The following TNRC18 variants were observed in gnomAD, a reference collection of about 807,000 sequenced individuals.
The protein encoded by TNRC18 is trinucleotide repeat containing 18.
Under a neutral mutation model 226.7 loss-of-function variants are expected in TNRC18, and 69 were observed. That is an observed-to-expected ratio of 0.30 (90% CI 0.25 to 0.37). The LOEUF is 0.37. Ranked by LOEUF, TNRC18 falls within the 10% of genes least tolerant of loss-of-function variation. TNRC18 has a pLI of 1.00. For missense variants in TNRC18, 4,754 were observed against 4,256.6 expected, an observed-to-expected ratio of 1.12 and a Z score of -3.25; for synonymous variants, 2,449 against 1,927.6, an observed-to-expected ratio of 1.27 and a Z score of -7.09.
In TNRC18 at chr7:5,388,510, C is replaced by T; in HGVS notation, c.1314G>A (p.Arg438=). Reference sequence around the variant, plus strand: ...CCGTGGGGGCATCCGCGGGGGGCGGCCGCTTGAGCGAGCGGATGACCGAGT... The same window carrying T: ...CCGTGGGGGCATCCGCGGGGGGCGGTCGCTTGAGCGAGCGGATGACCGAGT... The part of the protein sequence containing the change: ...EKNSVIRSLK[R]PPPADAPTVR... Residue 438 remains arginine (R), a synonymous_variant, in exon 5 of 30, where the codon CGG becomes CGA. Transcript: ENST00000430969. 7.5e-7 allele frequency: 1 copy of T among 1,328,762 alleles called. No homozygotes were observed. The highest frequency in any genetic ancestry group is 2.4e-4 in the Middle Eastern group (1 of 4,254). 82.3% of individuals were successfully genotyped at this position (1,328,762 alleles called of 1,614,324 possible). A position where few individuals can be genotyped will look rare whatever the true frequency, so the allele number is the denominator to read the frequency against.
chr7:5,309,407 AG>A lies in TNRC18; in HGVS notation c.8389-40del. On this transcript the variant is annotated intron_variant, in intron 27 of 29. Transcript: ENST00000430969. The surrounding 1 kb of genome is among the most constrained non-coding windows in gnomAD (Gnocchi z 5.7). ...TGTGTCACGGCACAGGCCCTGGCCCAGCCCCAAGGAGCCCGCCGCCTGGCAG... is the reference window on the plus strand; with the variant it reads ...TGTGTCACGGCACAGGCCCTGGCCCACCCCAAGGAGCCCGCCGCCTGGCAG... 2.0e-6 allele frequency: 3 copies of A among 1,536,422 alleles called. No homozygotes were observed. The highest frequency in any genetic ancestry group is 2.6e-6 in the Non-Finnish European group (3 of 1,136,360).
rs1352894297 is a variant in TNRC18, at chr7:5,377,024, G to A, written c.2462-31C>T. 3 of 1,554,004 alleles carry A rather than the reference G, an allele frequency of 1.9e-6. No homozygotes were observed. The highest frequency in any genetic ancestry group is 2.6e-6 in the Non-Finnish European group (3 of 1,151,130). The stretch of plus-strand genomic sequence containing the variant: ...AGGAGAAGCCCAGGCCTGAGTCAGT[G>A]CTGGGAGCCCCCAAGCGGTTTGTCC... On this transcript the variant is annotated intron_variant, in intron 7 of 29. Coordinates refer to ENST00000430969, the MANE Select transcript of TNRC18 (RefSeq NM_001080495.3). The surrounding 1 kb of genome is among the most constrained non-coding windows in gnomAD (Gnocchi z 5.8).
At chr7:5,370,297 TG>T in intron 11 of TNRC18, 77 bp downstream of exon 11, 1 of 1,460,948 alleles carries the variant, frequency 6.8e-7, no homozygotes, top group East Asian at 2.5e-5. Flanking sequence ...CACTCCAGCC[TG>T]GGCAACACAG....
intron 18 of TNRC18, among the ~76,000 whole-genome samples, chr7:5,340,493 T>A (rs1790576808): frequency 6.6e-6 from 1 of 152,042 alleles, no homozygotes; most frequent in South Asian, 2.1e-4. Flanking sequence ...TCCCAGCACT[T>A]TGGGAGGCCG....
rs151196173 is a variant in TNRC18, at chr7:5,330,809, G to A, written c.6147+1813C>T. On this transcript the variant is annotated intron_variant, in intron 19 of 29. Transcript: ENST00000430969. ...CTGCCTCAGCCTCCTGAGTAGCTGG[G>A]ATTACAGGCACCCGCCACCATGCCT... Among the ~76,000 whole-genome samples the A allele has an allele frequency of 8.7e-3, 1,327 of 152,244 alleles. 19 individuals are homozygous for A. Among genetic ancestry groups the A allele is most frequent in the African/African-American group, 0.031 (1,267 of 41,536 alleles).
At chr7:5,399,468 T>G (rs543517404) in intron 2 of TNRC18, among the ~76,000 whole-genome samples, 36 of 152,172 alleles carry the variant, frequency 2.4e-4, no homozygotes, top group African/African-American at 8.4e-4. Flanking sequence ...ATCCCAGCAC[T>G]TTGGGAGGAC....
intron 2 of TNRC18, among the ~76,000 whole-genome samples, chr7:5,417,283 C>CAT (rs1170411638): frequency 6.6e-6 from 1 of 152,140 alleles, no homozygotes; most frequent in Non-Finnish European, 1.5e-5. Flanking sequence ...GCCGGGGCAA[C>CAT]ATAGCAAGAC....
At chr7:5,357,628 G>A (rs563551465) in intron 15 of TNRC18, among the ~76,000 whole-genome samples, 15 of 152,190 alleles carry the variant, frequency 9.9e-5, no homozygotes, top group African/African-American at 3.1e-4. Flanking sequence ...GAATACAGGC[G>A]TGCGCCACCA....
intron 5 of TNRC18, among the ~76,000 whole-genome samples, chr7:5,386,464 C>G (rs748198082): frequency 2.6e-5 from 4 of 151,602 alleles, no homozygotes; most frequent in Non-Finnish European, 5.9e-5. Flanking sequence ...GTAATGCCAG[C>G]TACTGGGGAG....
intron 2 of TNRC18, chr7:5,407,530 G>A (rs1364865314): frequency 6.6e-6 from 1 of 152,222 alleles, no homozygotes; most frequent in Non-Finnish European, 1.5e-5. Flanking sequence ...CTCCCCACCT[G>A]GGATCACAGC....
Position 5,362,645 on chromosome 7 carries a change from C to T in TNRC18, c.4395+5G>A, listed in dbSNP as rs1345445575. Reference sequence around the variant, plus strand: ...ACCCCAGGGAGGAAGCAGCCAGCCGCTCACCCGCTCCTCCTTCTTGCGCAT... The same window carrying T: ...ACCCCAGGGAGGAAGCAGCCAGCCGTTCACCCGCTCCTCCTTCTTGCGCAT... On this transcript the variant is annotated splice_donor_5th_base_variant and intron_variant, in intron 12 of 29. Coordinates refer to ENST00000430969, the MANE Select transcript of TNRC18 (RefSeq NM_001080495.3). The T allele has an allele frequency of 6.4e-7, 1 of 1,556,054 alleles. No individual in the cohort carries two copies. Among genetic ancestry groups the T allele is most frequent in the Non-Finnish European group, 8.7e-7 (1 of 1,149,572 alleles).
At chr7:5,409,658 G>T (rs1457710408) in intron 2 of TNRC18, among the ~76,000 whole-genome samples, 1 of 151,756 alleles carries the variant, frequency 6.6e-6, no homozygotes, top group Non-Finnish European at 1.5e-5. Context: ...AAATCTCCTA[G>T]AAAGAAGAAA....
At chr7:5,316,786 C>T (rs549095289) in intron 24 of TNRC18, among the ~76,000 whole-genome samples, 1 of 152,172 alleles carries the variant, frequency 6.6e-6, no homozygotes, top group East Asian at 1.9e-4. Context: ...CGTGCAGGAA[C>T]GGGCTTTGAT....
intron 19 of TNRC18, chr7:5,330,070 G>C: frequency 2.2e-6 from 1 of 448,180 alleles, no homozygotes; most frequent in Non-Finnish European, 4.6e-6. Flanking sequence ...GTTAATGTGT[G>C]GTAGGTGCCC....
chr7:5,334,971 G>C (rs988686312), intron 18 of TNRC18, among the ~76,000 whole-genome samples: 5 of 152,156 alleles, frequency 3.3e-5, no homozygotes, highest in African/African-American at 7.2e-5. Flanking sequence ...CACCAGGAAA[G>C]AGAAGTCTAG....
At position 5,362,610 on chromosome 7, in the gene TNRC18, T is replaced by TC. The variant is rs747154945; in HGVS notation, c.4395+39dup. ...CCACAGAGGGGCCTCCCACCCAGCC[T>TC]CCCCCGCGGACCCCAGGGAGGAAGC... On this transcript the variant is annotated intron_variant, in intron 12 of 29. Coordinates refer to ENST00000430969, the MANE Select transcript of TNRC18 (RefSeq NM_001080495.3). 1.9e-5 allele frequency: 28 copies of TC among 1,488,110 alleles called. No homozygotes were observed. The Admixed American group carries it at 4.2e-4, about 22-fold the overall frequency. 92.2% of individuals were successfully genotyped at this position (1,488,110 alleles called of 1,614,324 possible).
At position 5,388,027 on chromosome 7, in the gene TNRC18, G is replaced by A. The variant is rs775981743; in HGVS notation, c.1797C>T (p.Ala599=). Residue 599 remains alanine, a synonymous_variant, in exon 5 of 30, where the codon GCC becomes GCT. Coordinates refer to ENST00000430969, the MANE Select transcript of TNRC18 (RefSeq NM_001080495.3). ...CACAGCCACCAGGGCGCACGGCCAC[G>A]GCGTCCCGGGCAAAGCTGCCACTGT... ...IKYSGSFARD[A]VAVRPGGCGK... 36 of 1,566,836 alleles carry A rather than the reference G, an allele frequency of 2.3e-5. No individual in the cohort carries two copies. Among genetic ancestry groups the A allele is most frequent in the African/African-American group, 1.2e-4 (9 of 73,730 alleles).
chr7:5,362,593 G>GGGCCTCCCACCC (rs1246240356), intron 12 of TNRC18, 57 bp downstream of exon 12: 1 of 1,461,722 alleles, frequency 6.8e-7, no homozygotes, highest in African/African-American at 1.4e-5. Context: ...CTCCACAGAG[G>GGGCCTCCCACCC]GGCCTCCCAC....
intron 18 of TNRC18, among the ~76,000 whole-genome samples, chr7:5,342,160 G>A (rs572878807): frequency 6.6e-6 from 1 of 152,366 alleles, no homozygotes; most frequent in East Asian, 1.9e-4. Flanking sequence ...CGGGTGCAGT[G>A]GCTCACGCCT....
Sources: gnomAD v4.1 joint callset for allele counts (sites outside exome capture counted in the v4.1 genomes callset) on GRCh38, gnomAD v4.1.1 for gene constraint, Gnocchi (gnomAD v3.1) non-coding constraint, MANE v1.5 for transcripts, NCBI Gene and HGNC (gene_info 2026-07-23, HGNC 2026-07-21) for gene names.